HS3ST2: variants seen among roughly 807,000 people sequenced by gnomAD.
The protein encoded by HS3ST2 is heparan sulfate-glucosamine 3-sulfotransferase 2, also known as heparan sulfate glucosamine 3-O-sulfotransferase 2.
Under a neutral mutation model 26.3 loss-of-function variants are expected in HS3ST2, and 17 were observed. The ratio of observed to expected loss-of-function variants is 0.65; its 90% CI spans 0.44 to 0.97. The LOEUF (loss-of-function observed/expected upper bound fraction) is 0.97. HS3ST2 is among the 50% of genes least tolerant of loss of function. The probability of loss-of-function intolerance (pLI) is 0.00; values close to 1 mark genes in which losing one functional copy is unlikely to be tolerated. For missense variants in HS3ST2, 402 were observed against 501.2 expected, an observed-to-expected ratio of 0.80 and a Z score of 1.89; for synonymous variants, 237 against 219.2, an observed-to-expected ratio of 1.08 and a Z score of -0.72.
intron 1 of HS3ST2, among the ~76,000 whole-genome samples, chr16:22,836,594 A>G (rs965081615): frequency 1.3e-4 from 20 of 151,908 alleles, no homozygotes; most frequent in African/African-American, 4.6e-4. Context: ...ATGGATTTTT[A>G]TGAGTATCTA....
At position 22,914,928 on chromosome 16, in the gene HS3ST2, C is replaced by T; in HGVS notation, c.486-16C>T. 1 of 1,598,062 alleles carries T rather than the reference C, an allele frequency of 6.3e-7. No individual in the cohort carries two copies. Among genetic ancestry groups the T allele is most frequent in the South Asian group, 1.1e-5 (1 of 89,088 alleles). Reference sequence around the variant, plus strand: ...AGGGAAACCTATTTGATGATGTATTCCTTCTGCCCACACAGGAGCCTGATG... The same window carrying T: ...AGGGAAACCTATTTGATGATGTATTTCTTCTGCCCACACAGGAGCCTGATG... On this transcript the variant is annotated splice_polypyrimidine_tract_variant and intron_variant, in intron 1 of 1. Transcript: ENST00000261374.
chr16:22,858,555 T>TTTTGTTTGTTTG (rs59520466), intron 1 of HS3ST2, among the ~76,000 whole-genome samples: 15 of 150,802 alleles, frequency 9.9e-5, no homozygotes, highest in African/African-American at 3.2e-4. Flanking sequence ...GGAATCCTTT[T>TTTTGTTTGTTTG]TTTGTTTGTT....
rs192090910 is a variant in HS3ST2 at position 22,887,768 on chromosome 16, G to A, written c.486-27176G>A. Among the ~76,000 whole-genome samples, 172 of 138,994 alleles carry A rather than the reference G, an allele frequency of 1.2e-3. 1 individual carries two copies. Among genetic ancestry groups the A allele is most frequent in the East Asian group, 4.7e-4 (2 of 4,270 alleles). 91.2% of individuals were successfully genotyped at this position (138,994 alleles called of 152,430 possible). A position where few individuals can be genotyped will look rare whatever the true frequency, so the allele number is the denominator to read the frequency against. On this transcript the variant is annotated intron_variant, in intron 1 of 1. Coordinates refer to ENST00000261374, the MANE Select transcript of HS3ST2 (RefSeq NM_006043.2). ...TTGAGACCAGCCTGGGCAATATAAC[G>A]AGACCCCATCTCTACGGGAAAAAAA...
chr16:22,828,424 C>A (rs1182424368), intron 1 of HS3ST2, among the ~76,000 whole-genome samples: 1 of 152,120 alleles, frequency 6.6e-6, no homozygotes, highest in South Asian at 2.1e-4. Flanking sequence ...AAATTAAGGG[C>A]CTTGTGAGTG....
rs953651573 is a variant in HS3ST2, at chr16:22,845,097, G to A, written c.485+30002G>A. On this transcript the variant is annotated intron_variant, in intron 1 of 1. Transcript: ENST00000261374. ...TCTGGATCTCCTGACCTTGTGATCC[G>A]CCTGCCTCGGCCTCCCAAAGTGTTG... Among the ~76,000 whole-genome samples, 9 of 147,864 alleles carry A rather than the reference G, an allele frequency of 6.1e-5. 2 individuals are homozygous for A. The highest frequency in any genetic ancestry group is 1.9e-4 in the African/African-American group (7 of 37,540).
chr16:22,814,500 G>A lies in HS3ST2; in HGVS notation c.-111G>A. 1 of 1,277,348 alleles carries A rather than the reference G, an allele frequency of 7.8e-7. No individual in the cohort carries two copies. 79.1% of individuals were successfully genotyped at this position (1,277,348 alleles called of 1,614,324 possible). A position where few individuals can be genotyped will look rare whatever the true frequency, so the allele number is the denominator to read the frequency against. On this transcript the variant is annotated 5_prime_UTR_variant, in exon 1 of 2. Coordinates refer to ENST00000261374, the MANE Select transcript of HS3ST2 (RefSeq NM_006043.2). ...AGACGGCGCCCCCAACGCCCGACCC[G>A]CGTGGCCGTGGCAGCGCCACGCGAG...
chr16:22,899,517 G>C (rs1902255437), intron 1 of HS3ST2, among the ~76,000 whole-genome samples: 1 of 152,174 alleles, frequency 6.6e-6, no homozygotes. Context: ...TAGAAAGCCA[G>C]TTGTCCAGAG....
At chr16:22,816,072 C>T (rs1180946833) in intron 1 of HS3ST2, among the ~76,000 whole-genome samples, 2 of 152,184 alleles carry the variant, frequency 1.3e-5, no homozygotes, top group African/African-American at 4.8e-5. Flanking sequence ...GAGGTGGCAG[C>T]GTCCACGCCT....
Position 22,814,684 on chromosome 16 carries a change from C to T in HS3ST2, c.74C>T (p.Thr25Met), listed in dbSNP as rs1390632385. 1.2e-6 allele frequency: 2 copies of T among 1,600,874 alleles called. No individual in the cohort carries two copies. Among genetic ancestry groups the T allele is most frequent in the South Asian group, 1.1e-5 (1 of 88,842 alleles). The change falls in exon 1 of 2, where the codon ACG becomes ATG. Residue 25 changes from threonine to methionine, a missense_variant. Coordinates refer to ENST00000261374, the MANE Select transcript of HS3ST2 (RefSeq NM_006043.2). ...RRARRLLFAFTLSLSCTYLCY... is the reference protein window; with the variant it reads ...RRARRLLFAFMLSLSCTYLCY... ...GCGCGCAGGCTGCTCTTCGCCTTCA[C>T]GCTCTCGCTCTCCTGCACTTACCTG...
At chr16:22,834,530 A>G (rs1022481191) in intron 1 of HS3ST2, among the ~76,000 whole-genome samples, 1 of 152,054 alleles carries the variant, frequency 6.6e-6, no homozygotes. Context: ...ACAATCATTA[A>G]CCAAATCGCC....
At chr16:22,876,096 G>C (rs577615119) in intron 1 of HS3ST2, among the ~76,000 whole-genome samples, 1 of 152,280 alleles carries the variant, frequency 6.6e-6, no homozygotes, top group East Asian at 1.9e-4. Context: ...ACACATGTCT[G>C]TACATAATAT....
At chr16:22,868,959 C>A (rs751700990) in intron 1 of HS3ST2, among the ~76,000 whole-genome samples, 1 of 152,026 alleles carries the variant, frequency 6.6e-6, no homozygotes, top group Admixed American at 6.6e-5. Flanking sequence ...GTAGAGTCTA[C>A]AGGGGAATCA....
At chr16:22,888,147 G>A (rs1902086327) in intron 1 of HS3ST2, among the ~76,000 whole-genome samples, 1 of 152,064 alleles carries the variant, frequency 6.6e-6, no homozygotes, top group Non-Finnish European at 1.5e-5. Flanking sequence ...ACTCTCTGGT[G>A]TTTTCTTAGG....
chr16:22,844,008 TAC>T (rs71876208), intron 1 of HS3ST2, among the ~76,000 whole-genome samples: 5,644 of 148,264 alleles, frequency 0.038, 296 homozygotes, highest in African/African-American at 0.12. Flanking sequence ...GATGAAAACC[TAC>T]ACACACACAC....
At chr16:22,852,244 C>T (rs1043915032) in intron 1 of HS3ST2, among the ~76,000 whole-genome samples, 21 of 152,024 alleles carry the variant, frequency 1.4e-4, no homozygotes, top group African/African-American at 4.6e-4. Flanking sequence ...GTTCAGAAAC[C>T]CTGGTCTAAA....
At chr16:22,896,023 A>G (rs930260402) in intron 1 of HS3ST2, among the ~76,000 whole-genome samples, 11 of 151,414 alleles carry the variant, frequency 7.3e-5, no homozygotes, top group African/African-American at 2.7e-4. Flanking sequence ...TGTTGCCTAG[A>G]CTGGACTCAA....
Position 22,872,969 on chromosome 16 carries a change from T to TC in HS3ST2, c.486-41974dup, listed in dbSNP as rs144250267. Among the ~76,000 whole-genome samples, 1,502 of 152,302 alleles carry TC rather than the reference T, an allele frequency of 9.9e-3. 27 individuals are homozygous for TC. Among genetic ancestry groups the TC allele is most frequent in the African/African-American group, 0.034 (1,410 of 41,552 alleles). Reference sequence around the variant, plus strand: ...CTGTGTCAAATCATGGCTCAACCTCTCACCAGACATGTGACCATGAACAAG... The same window carrying TC: ...CTGTGTCAAATCATGGCTCAACCTCTCCACCAGACATGTGACCATGAACAAG... On this transcript the variant is annotated intron_variant, in intron 1 of 1. Coordinates refer to ENST00000261374, the MANE Select transcript of HS3ST2 (RefSeq NM_006043.2).
intron 1 of HS3ST2, chr16:22,854,737 C>G (rs1035637248): frequency 2.0e-5 from 3 of 151,510 alleles, no homozygotes; most frequent in East Asian, 1.9e-4. Context: ...CTCCTGGGCT[C>G]AAGCGGTCCT....
chr16:22,857,991 C>T (rs562365195), intron 1 of HS3ST2, among the ~76,000 whole-genome samples: 13 of 152,166 alleles, frequency 8.5e-5, no homozygotes, highest in African/African-American at 2.4e-4. Flanking sequence ...CTTTGATTCA[C>T]TTTACCAACC....
Sources: allele counts gnomAD v4.1 joint callset (sites outside exome capture counted in the v4.1 genomes callset), GRCh38; gene constraint gnomAD v4.1.1; transcripts MANE v1.5; gene names NCBI Gene and HGNC (gene_info 2026-07-23, HGNC 2026-07-21).